Variants in RGL1 observed in about 807,000 individuals in gnomAD.
The protein encoded by RGL1 is ral guanine nucleotide dissociation stimulator-like 1.
A neutral mutation model predicts 95.2 loss-of-function variants in RGL1; 24 were observed. That is an observed-to-expected ratio of 0.25 (90% CI 0.18 to 0.35). RGL1 has a LOEUF of 0.35. Ranked by LOEUF, RGL1 falls within the 10% of genes least tolerant of loss-of-function variation. The pLI is 1.00. For missense variants in RGL1, 715 were observed against 936.3 expected, an observed-to-expected ratio of 0.76 and a Z score of 3.08; for synonymous variants, 329 against 344.9, an observed-to-expected ratio of 0.95 and a Z score of 0.51.
intron 2 of RGL1, among the ~76,000 whole-genome samples, chr1:183,789,179 C>T (rs1451455173): frequency 1.3e-5 from 2 of 152,028 alleles, no homozygotes; most frequent in East Asian, 3.8e-4. Flanking sequence ...CATGGTGGCT[C>T]ATGCCTATAA....
rs577625682 is a variant in RGL1, at chr1:183,904,405, G to T, written c.1351-445G>T. ...GAGGAAGATGGGGATGGGGATCTTG[G>T]GAGCTCCCTGACTTAAAGTATTTCT... On this transcript the variant is annotated intron_variant, in intron 12 of 17. Transcript: ENST00000360851. 7.4e-4 allele frequency among the ~76,000 whole-genome samples: 112 copies of T among 152,164 alleles called. 1 individual carries two copies. Among genetic ancestry groups the T allele is most frequent in the African/African-American group, 2.5e-3 (105 of 41,532 alleles).
chr1:183,880,082 T>C (rs535991244), intron 4 of RGL1, among the ~76,000 whole-genome samples: 62 of 152,396 alleles, frequency 4.1e-4, no homozygotes, highest in African/African-American at 1.5e-3. Flanking sequence ...AGGATAATTT[T>C]ATGAGGACAT....
At chr1:183,913,252 G>C (rs1453789587) in intron 15 of RGL1, among the ~76,000 whole-genome samples, 1 of 130,748 alleles carries the variant, frequency 7.6e-6, no homozygotes, top group Non-Finnish European at 1.5e-5. Context: ...CTGGAATGCA[G>C]TGGTACGATC....
intron 13 of RGL1, 58 bp downstream of exon 13, chr1:183,905,029 C>T: frequency 1.3e-6 from 2 of 1,568,580 alleles, no homozygotes; most frequent in East Asian, 4.6e-5. Flanking sequence ...AAAAATGCTG[C>T]ATTTAATACC....
At chr1:183,924,705 G>C (rs1159725092) in intron 17 of RGL1, among the ~76,000 whole-genome samples, 1 of 151,860 alleles carries the variant, frequency 6.6e-6, no homozygotes, top group East Asian at 1.9e-4. Context: ...AGCACTTTGA[G>C]AGGCCGAGGC....
At chr1:183,815,800 C>T (rs995158212) in intron 2 of RGL1, among the ~76,000 whole-genome samples, 13 of 152,234 alleles carry the variant, frequency 8.5e-5, no homozygotes, top group Middle Eastern at 3.4e-3. Flanking sequence ...ATGTAAGGTG[C>T]TAGGATATGG....
chr1:183,892,404 C>CT (rs775353041), intron 9 of RGL1, among the ~76,000 whole-genome samples: 2 of 152,166 alleles, frequency 1.3e-5, no homozygotes, highest in Non-Finnish European at 2.9e-5. Flanking sequence ...GATTGTGAAA[C>CT]TTGAGTTCAT....
At chr1:183,662,422 C>G (rs868021802) in intron 1 of RGL1, among the ~76,000 whole-genome samples, 1 of 151,890 alleles carries the variant, frequency 6.6e-6, no homozygotes, top group Non-Finnish European at 1.5e-5. Context: ...CAATAACAGA[C>G]AAACAGAGAG....
chr1:183,773,995 A>G (rs1256527871), intron 2 of RGL1, among the ~76,000 whole-genome samples: 1 of 152,202 alleles, frequency 6.6e-6, no homozygotes, highest in African/African-American at 2.4e-5. Context: ...AGTGCAGACA[A>G]ATTATAATTT....
intron 2 of RGL1, among the ~76,000 whole-genome samples, chr1:183,770,598 G>A (rs1558197147): frequency 6.6e-6 from 1 of 152,154 alleles, no homozygotes. Context: ...TAAAATTAGG[G>A]GTTTATGTGG....
At chr1:183,684,485 C>G (rs948881144) in intron 1 of RGL1, among the ~76,000 whole-genome samples, 1 of 152,174 alleles carries the variant, frequency 6.6e-6, no homozygotes, top group African/African-American at 2.4e-5. Flanking sequence ...GCTGTGCTGG[C>G]AGCAAGAATT....
At chr1:183,861,364 T>C (rs1665501176) in intron 3 of RGL1, among the ~76,000 whole-genome samples, 1 of 152,190 alleles carries the variant, frequency 6.6e-6, no homozygotes, top group Non-Finnish European at 1.5e-5. Flanking sequence ...TCTAAGGGTT[T>C]CTTTGAACCA....
intron 1 of RGL1, among the ~76,000 whole-genome samples, chr1:183,667,348 G>A (rs1652112388): frequency 6.6e-6 from 1 of 152,016 alleles, no homozygotes; most frequent in Admixed American, 6.5e-5. Context: ...TTTTGAGACG[G>A]AGTTTTGCTC....
Position 183,846,524 on chromosome 1 carries a change from A to G in RGL1, c.139-1042A>G, listed in dbSNP as rs187621098. Among the ~76,000 whole-genome samples, 293 of 152,024 alleles carry G rather than the reference A, an allele frequency of 1.9e-3. 1 individual carries two copies. Among genetic ancestry groups the G allele is most frequent in the African/African-American group, 6.9e-3 (285 of 41,478 alleles). On this transcript the variant is annotated intron_variant, in intron 2 of 17. Coordinates refer to ENST00000360851, the MANE Select transcript of RGL1 (RefSeq NM_001297671.3). ...AACAAACCTGCATATGTATCCCAGC[A>G]CTTAAAGTATAATTTTTAAAAAAAA...
chr1:183,820,009 A>T (rs1488472066), intron 2 of RGL1, among the ~76,000 whole-genome samples: 1 of 151,358 alleles, frequency 6.6e-6, no homozygotes, highest in Non-Finnish European at 1.5e-5. Context: ...CTTGTCTTGA[A>T]CTCCTAGCCT....
chr1:183,760,085 C>G (rs1286592193), intron 2 of RGL1, among the ~76,000 whole-genome samples: 1 of 152,046 alleles, frequency 6.6e-6, no homozygotes, highest in Non-Finnish European at 1.5e-5. Context: ...TTTGTTTTCC[C>G]AGTGCATATA....
intron 4 of RGL1, among the ~76,000 whole-genome samples, chr1:183,877,942 A>G (rs1666603129): frequency 6.6e-6 from 1 of 152,204 alleles, no homozygotes; most frequent in South Asian, 2.1e-4. Flanking sequence ...CCCATCAGAA[A>G]TACCCACACG....
intron 2 of RGL1, among the ~76,000 whole-genome samples, chr1:183,824,595 A>G (rs1018165668): frequency 5.3e-5 from 8 of 152,210 alleles, no homozygotes; most frequent in African/African-American, 1.9e-4. Flanking sequence ...AAGTCCTTTT[A>G]CTTGACCTTA....
intron 1 of RGL1, among the ~76,000 whole-genome samples, chr1:183,694,683 G>A (rs573237790): frequency 6.6e-6 from 1 of 152,234 alleles, no homozygotes; most frequent in Non-Finnish European, 1.5e-5. Context: ...CTATGGTCAT[G>A]ATAACTCAGA....
Sources: allele counts gnomAD v4.1 joint callset (sites outside exome capture counted in the v4.1 genomes callset), GRCh38; gene constraint gnomAD v4.1.1; transcripts MANE v1.5; gene names NCBI Gene and HGNC (gene_info 2026-07-23, HGNC 2026-07-21).